Variants in SLC30A8 observed in about 807,000 individuals in gnomAD.
SLC30A8 encodes proton-coupled zinc antiporter SLC30A8.
A neutral mutation model predicts 36.9 loss-of-function variants in SLC30A8; 27 were observed. The observed-to-expected ratio is 0.73, with a 90% CI of 0.54 to 1.01. SLC30A8 has a LOEUF of 1.01. Among genes scored for constraint, SLC30A8 ranks in the 50% least tolerant of loss-of-function variants. The pLI is 0.00. For synonymous variants in SLC30A8, 164 were observed against 172.4 expected, an observed-to-expected ratio of 0.95 and a Z score of 0.38; for missense variants, 439 against 452.0, an observed-to-expected ratio of 0.97 and a Z score of 0.26.
At chr8:117,036,761 G>C (rs564292748) in intron 1 of SLC30A8, among the ~76,000 whole-genome samples, 1 of 152,270 alleles carries the variant, frequency 6.6e-6, no homozygotes, top group East Asian at 1.9e-4. Flanking sequence ...TGACATGTGG[G>C]TATTACAGTG....
chr8:117,051,700 C>T (rs2063931919), intron 2 of SLC30A8, among the ~76,000 whole-genome samples: 2 of 152,038 alleles, frequency 1.3e-5, no homozygotes, highest in South Asian at 4.2e-4. Context: ...GTAGTCCCAG[C>T]TACTCGGGAG....
At chr8:116,987,532 A>G (rs1272638398) in intron 1 of SLC30A8, among the ~76,000 whole-genome samples, 2 of 152,040 alleles carry the variant, frequency 1.3e-5, no homozygotes, top group Non-Finnish European at 2.9e-5. Context: ...TTAAGTCTCT[A>G]TATTCTTCTT....
At position 117,099,018 on chromosome 8, in the gene SLC30A8, T is replaced by C. The variant is rs1363808587; in HGVS notation, c.-225-36262T>C. On this transcript the variant is annotated intron_variant, in intron 2 of 10. Transcript: ENST00000427715. Reference sequence around the variant, plus strand: ...TGGTTAAGAATATAAGAAAATAGGTTAAACTCAGGGATGAATTCTAGCAGA... The same window carrying C: ...TGGTTAAGAATATAAGAAAATAGGTCAAACTCAGGGATGAATTCTAGCAGA... 3.2e-4 allele frequency among the ~76,000 whole-genome samples: 48 copies of C among 152,110 alleles called. 1 individual carries two copies. Among genetic ancestry groups the C allele is most frequent in the Admixed American group, 3.1e-3 (47 of 15,260 alleles).
At position 117,063,881 on chromosome 8, in the gene SLC30A8, G is replaced by A. The variant is rs1380552221; in HGVS notation, c.-226+24623G>A. ...AGAGGTATTAGATGAAGTGAGGGAA[G>A]CCCTAAAGGAAGCGGCTGTTTTGTC... On this transcript the variant is annotated intron_variant, in intron 2 of 10. Coordinates refer to the SLC30A8 transcript ENST00000427715. 3.3e-5 allele frequency among the ~76,000 whole-genome samples: 5 copies of A among 152,230 alleles called. No homozygotes were observed. In the East Asian group the frequency reaches 5.8e-4, roughly 18 times the overall value.
At chr8:116,979,353 C>T (rs1375126995) in intron 1 of SLC30A8, among the ~76,000 whole-genome samples, 1 of 151,694 alleles carries the variant, frequency 6.6e-6, no homozygotes, top group African/African-American at 2.4e-5. Context: ...TTATCCTCCT[C>T]GAAGAAAACA....
chr8:117,174,992 C>T lies in SLC30A8; in HGVS notation c.*2311C>T, dbSNP rs1035545637. 4 of 152,030 alleles carry T rather than the reference C, an allele frequency of 2.6e-5. No individual in the cohort carries two copies. Among genetic ancestry groups the T allele is most frequent in the African/African-American group, 7.3e-5 (3 of 41,368 alleles). The allele number at this position is 152,030 out of a possible 1,614,324, so 9.4% of individuals were successfully genotyped here. ...TCTGAAGTTCTGACTCTCCCATTACCCTTTCCCTGGTGTGGTCAGAACTCC... is the reference window on the plus strand; with the variant it reads ...TCTGAAGTTCTGACTCTCCCATTACTCTTTCCCTGGTGTGGTCAGAACTCC... On this transcript the variant is annotated 3_prime_UTR_variant, in exon 8 of 8. Transcript: ENST00000456015.
chr8:116,973,023 G>A (rs1480439695), intron 1 of SLC30A8, among the ~76,000 whole-genome samples: 1 of 152,126 alleles, frequency 6.6e-6, no homozygotes, highest in African/African-American at 2.4e-5. Context: ...GTCTCATGAT[G>A]GTAGAATCCT....
chr8:117,092,502 C>T (rs1358302257), intron 2 of SLC30A8, among the ~76,000 whole-genome samples: 1 of 152,002 alleles, frequency 6.6e-6, no homozygotes, highest in Non-Finnish European at 1.5e-5. Context: ...CATTTTGCAC[C>T]TGGCCTGGCA....
chr8:117,160,764 T>C (rs1822749965), intron 4 of SLC30A8, among the ~76,000 whole-genome samples: 1 of 152,210 alleles, frequency 6.6e-6, no homozygotes, highest in Non-Finnish European at 1.5e-5. Flanking sequence ...AATGAACACC[T>C]GAAAACTGCA....
chr8:117,002,353 C>G (rs1056375040), intron 1 of SLC30A8, among the ~76,000 whole-genome samples: 1 of 152,134 alleles, frequency 6.6e-6, no homozygotes, highest in Non-Finnish European at 1.5e-5. Context: ...CTTTCTGTTA[C>G]AAATTACATG....
At chr8:116,998,305 A>G (rs1005208925) in intron 1 of SLC30A8, among the ~76,000 whole-genome samples, 1 of 152,220 alleles carries the variant, frequency 6.6e-6, no homozygotes, top group Non-Finnish European at 1.5e-5. Context: ...TCAAGTGGCA[A>G]TGATGGCCAG....
chr8:117,084,327 A>G (rs1203397315), intron 2 of SLC30A8, among the ~76,000 whole-genome samples: 3 of 152,160 alleles, frequency 2.0e-5, no homozygotes, highest in Admixed American at 1.3e-4. Context: ...TTAGGAAACC[A>G]TGTTCCCCAA....
At chr8:116,962,013 A>G (rs1244397975) in intron 1 of SLC30A8, among the ~76,000 whole-genome samples, 1 of 152,006 alleles carries the variant, frequency 6.6e-6, no homozygotes, top group East Asian at 1.9e-4. Flanking sequence ...CACAGCAGTC[A>G]GTACTTGAAA....
At chr8:117,120,745 T>A (rs1297833119) in intron 2 of SLC30A8, among the ~76,000 whole-genome samples, 1 of 151,448 alleles carries the variant, frequency 6.6e-6, no homozygotes, top group Admixed American at 6.6e-5. Context: ...ATAGGGAACT[T>A]CTAAAAAAAA....
chr8:117,146,961 C>T lies in SLC30A8; in HGVS notation c.79C>T (p.Leu27Phe), dbSNP rs759603427. ...MYAFTLESVELQQKPVNKDQC... is the reference protein window; with the variant it reads ...MYAFTLESVEFQQKPVNKDQC... ...TGTCAAACTCATCCATAGTGTGGAA[C>T]TCCAACAGAAACCGGTGAATAAAGA... Residue 27 changes from leucine (L) to phenylalanine (F), a missense_variant, in exon 2 of 8, where the codon CTC becomes TTC. Leu to Phe is a conservative substitution (Grantham distance 22, BLOSUM62 0). Transcript: ENST00000456015. The T allele has an allele frequency of 1.2e-6, 2 of 1,613,774 alleles. No individual in the cohort carries two copies. Among genetic ancestry groups the T allele is most frequent in the African/African-American group, 1.3e-5 (1 of 74,902 alleles).
chr8:117,026,363 T>C (rs13266865), intron 1 of SLC30A8, among the ~76,000 whole-genome samples: 16,706 of 151,756 alleles, frequency 0.11, 1,122 homozygotes, highest in East Asian at 0.18. Flanking sequence ...TAAGAAAGCA[T>C]AGGGCAGAAT....
rs1259058472 is a variant in SLC30A8, at chr8:117,135,145, A to C, written c.-183A>C. On this transcript the variant is annotated 5_prime_UTR_variant, in exon 1 of 8. Transcript: ENST00000456015. ...AATGAAGCCAGGTAATATTGCAAGGAGGCTGTAATTTTAGCAGACCTACCA... is the reference window on the plus strand; with the variant it reads ...AATGAAGCCAGGTAATATTGCAAGGCGGCTGTAATTTTAGCAGACCTACCA... The C allele has an allele frequency of 4.6e-6, 2 of 431,300 alleles. No homozygotes were observed. Among genetic ancestry groups the C allele is most frequent in the Non-Finnish European group, 8.3e-6 (2 of 241,096 alleles). The allele number at this position is 431,300 out of a possible 1,614,324, so 26.7% of individuals were successfully genotyped here.
intron 2 of SLC30A8, among the ~76,000 whole-genome samples, chr8:117,106,795 C>A (rs1820014197): frequency 6.6e-6 from 1 of 152,190 alleles, no homozygotes; most frequent in African/African-American, 2.4e-5. Flanking sequence ...ATTGCATCTT[C>A]CCTGCTCCAT....
upstream of SLC30A8, among the ~76,000 whole-genome samples, chr8:117,130,745 T>C (rs1821098810): frequency 6.6e-6 from 1 of 152,004 alleles, no homozygotes; most frequent in Non-Finnish European, 1.5e-5. Context: ...GGCCATTGTT[T>C]TGGAGTTTGT....
Sources: allele counts gnomAD v4.1 joint callset (sites outside exome capture counted in the v4.1 genomes callset), GRCh38; gene constraint gnomAD v4.1.1; transcripts MANE v1.5; gene names NCBI Gene and HGNC (gene_info 2026-07-23, HGNC 2026-07-21).